Variants in EIF2AK4 observed in about 807,000 individuals in gnomAD.
EIF2AK4 encodes eIF-2-alpha kinase GCN2.
EIF2AK4 carries 139 observed loss-of-function variants against 211.1 expected under a neutral mutation model. The ratio of observed to expected loss-of-function variants is 0.66; its 90% CI spans 0.57 to 0.76. The LOEUF (loss-of-function observed/expected upper bound fraction) is 0.76. EIF2AK4 is among the 30% of genes least tolerant of loss of function. The pLI is 0.00. For synonymous variants in EIF2AK4, 710 were observed against 751.3 expected (o/e 0.94, Z 0.90); for missense variants, 1,664 against 2,043.8 (o/e 0.81, Z 3.58).
At chr15:39,996,659 C>T (rs1028943477) in intron 18 of EIF2AK4, among the ~76,000 whole-genome samples, 10 of 151,954 alleles carry the variant, frequency 6.6e-5, no homozygotes, top group South Asian at 2.1e-4. Context: ...TGCAGTGAGC[C>T]GAGACTGCAC....
intron 1 of EIF2AK4, 35 bp from the exon 2 acceptor site, chr15:39,939,470 T>C: frequency 6.5e-7 from 1 of 1,535,466 alleles, no homozygotes; most frequent in Non-Finnish European, 8.9e-7. Context: ...GCTCTACAGC[T>C]TTGAAAAAAA....
Position 39,967,828 on chromosome 15 carries a change from C to T in EIF2AK4, c.1502C>T (p.Pro501Leu), listed in dbSNP as rs771390626. 4 of 1,614,074 alleles carry T rather than the reference C, an allele frequency of 2.5e-6. No individual in the cohort carries two copies. In the African/African-American group the frequency reaches 4.0e-5, roughly 16 times the overall value. ...LSQGQECGEYPVTIPSDLPAD... is the reference protein window; with the variant it reads ...LSQGQECGEYLVTIPSDLPAD... ...CAAGGACAGGAATGTGGAGAGTACC[C>T]TGTGACCATCCCTAGTGACTTACCA... The change falls in exon 9 of 39, where the codon CCT (proline) becomes CTT (leucine). Residue 501 changes from proline to leucine, a missense_variant. Transcript: ENST00000263791.
In EIF2AK4 at chr15:39,990,366, C is replaced by G; in HGVS notation, c.2620C>G (p.Leu874Val). ...IGDFGLATDH[L>V]AFSADSKQDD... Reference sequence around the variant, plus strand: ...TGATTTTGGTTTGGCGACAGACCATCTAGCCTTTTCTGTAAGTATTTTAAA... The same window carrying G: ...TGATTTTGGTTTGGCGACAGACCATGTAGCCTTTTCTGTAAGTATTTTAAA... Residue 874 changes from leucine to valine, a missense_variant, in exon 16 of 39, where the codon CTA becomes GTA. This residue lies in a region of EIF2AK4 where 622 missense variants were observed against 796.8 expected (regional missense o/e 0.78). Transcript: ENST00000263791. 6.2e-7 allele frequency: 1 copy of G among 1,613,684 alleles called. No individual in the cohort carries two copies. Among genetic ancestry groups the G allele is most frequent in the South Asian group, 1.1e-5 (1 of 90,998 alleles).
At chr15:40,028,819 T>G (rs1342562180) in intron 33 of EIF2AK4, among the ~76,000 whole-genome samples, 1 of 152,206 alleles carries the variant, frequency 6.6e-6, no homozygotes, top group African/African-American at 2.4e-5. Flanking sequence ...ACCAAGACAC[T>G]TAAAAGGCTA....
At chr15:39,939,259 C>T (rs940731027) in intron 1 of EIF2AK4, among the ~76,000 whole-genome samples, 7 of 152,068 alleles carry the variant, frequency 4.6e-5, no homozygotes, top group Non-Finnish European at 7.4e-5. Context: ...AACATCTGAA[C>T]GAATGGAAGC....
chr15:40,031,137 G>C (rs1286677470), intron 35 of EIF2AK4, among the ~76,000 whole-genome samples: 2 of 152,186 alleles, frequency 1.3e-5, no homozygotes, highest in African/African-American at 4.8e-5. Flanking sequence ...CCACTCGGGA[G>C]GCTGAGACAG....
At chr15:39,995,595 A>G (rs2035008152) in intron 18 of EIF2AK4, among the ~76,000 whole-genome samples, 1 of 151,284 alleles carries the variant, frequency 6.6e-6, no homozygotes, top group Non-Finnish European at 1.5e-5. Context: ...TATTGTAGAT[A>G]CTTTTTTTGT....
At chr15:40,023,023 G>A (rs111362707) in intron 32 of EIF2AK4, among the ~76,000 whole-genome samples, 2,668 of 152,208 alleles carry the variant, frequency 0.018, 64 homozygotes, top group African/African-American at 0.056. Flanking sequence ...CACCGCGCCC[G>A]GCCGTTGTTG....
At chr15:39,972,457 GA>G (rs2034638111) in intron 9 of EIF2AK4, among the ~76,000 whole-genome samples, 1 of 151,890 alleles carries the variant, frequency 6.6e-6, no homozygotes, top group South Asian at 2.1e-4. Flanking sequence ...ATCCTGTAAT[GA>G]GCAGGCTTCA....
intron 34 of EIF2AK4, 32 bp from the exon 35 acceptor site, chr15:40,030,327 G>A (rs762219957): frequency 1.6e-5 from 25 of 1,603,636 alleles, no homozygotes; most frequent in Non-Finnish European, 1.6e-5. Flanking sequence ...GACCAGATAA[G>A]GCCATAAATT....
chr15:40,022,214 G>GTGTGTGTGTGTGT (rs771474808), intron 31 of EIF2AK4: 1 of 232,440 alleles, frequency 4.3e-6, no homozygotes, highest in Non-Finnish European at 8.2e-6. Flanking sequence ...GTGTGTGTGT[G>GTGTGTGTGTGTGT]TATGTTGTGT....
intron 13 of EIF2AK4, among the ~76,000 whole-genome samples, chr15:39,984,186 C>G (rs1208935766): frequency 1.3e-5 from 2 of 152,118 alleles, no homozygotes; most frequent in Non-Finnish European, 2.9e-5. Flanking sequence ...ATTTCTGAGG[C>G]CTCTGTTCTG....
chr15:39,943,351 C>CTTTTTTTT, intron 2 of EIF2AK4, 32 bp from the exon 3 acceptor site: 6 of 863,050 alleles, frequency 7.0e-6, no homozygotes, highest in South Asian at 5.8e-5. Context: ...TGGAGTAACT[C>CTTTTTTTT]TTTTTTTTTT....
chr15:39,985,865 G>A lies in EIF2AK4; in HGVS notation c.2380G>A (p.Ala794Thr), dbSNP rs1366932633. The A allele has an allele frequency of 3.7e-6, 6 of 1,613,994 alleles. No homozygotes were observed. Among genetic ancestry groups the A allele is most frequent in the Non-Finnish European group, 4.2e-6 (5 of 1,179,998 alleles). ...HESEPSVTTE[A>T]VHYLYIQMEY... ...AAGTGAGCCATCAGTGACGACTGAGGCTGTGCACTACCTATACATCCAGGT... is the reference window on the plus strand; with the variant it reads ...AAGTGAGCCATCAGTGACGACTGAGACTGTGCACTACCTATACATCCAGGT... Residue 794 changes from alanine (A) to threonine (T), a missense_variant, in exon 14 of 39, where the codon GCT becomes ACT. Ala to Thr is a moderately conservative substitution (Grantham distance 58). Transcript: ENST00000263791.
At chr15:40,021,402 C>T (rs1313066913) in intron 31 of EIF2AK4, 1 of 158,418 alleles carries the variant, frequency 6.3e-6, no homozygotes, top group East Asian at 1.8e-4. Flanking sequence ...GCGCCTCCTT[C>T]CTTGCTGACC....
intron 15 of EIF2AK4, among the ~76,000 whole-genome samples, chr15:39,990,022 G>C (rs2034920716): frequency 1.3e-5 from 2 of 152,160 alleles, no homozygotes; most frequent in Non-Finnish European, 2.9e-5. Context: ...CCCAGTGGAA[G>C]GGGCCTTGGA....
chr15:40,015,775 C>A (rs139665183), intron 27 of EIF2AK4, among the ~76,000 whole-genome samples: 3 of 152,298 alleles, frequency 2.0e-5, no homozygotes, highest in African/African-American at 7.2e-5. Flanking sequence ...TTGTACTTGC[C>A]TACAGTCTTA....
intron 6 of EIF2AK4, 61 bp downstream of exon 6, chr15:39,955,829 G>T: frequency 6.7e-7 from 1 of 1,485,570 alleles, no homozygotes. Context: ...TTACTACATT[G>T]AAGATGTAGT....
rs138628512 is a variant in EIF2AK4 at position 40,029,276 on chromosome 15, A to G, written c.4503-130A>G. 2.3e-4 allele frequency: 311 copies of G among 1,382,144 alleles called. 2 individuals carry two copies. The African/African-American group carries it at 3.8e-3, about 17-fold the overall frequency. The allele number at this position is 1,382,144 out of a possible 1,614,324, so 85.6% of individuals were successfully genotyped here. A position where few individuals can be genotyped will look rare whatever the true frequency, so the allele number is the denominator to read the frequency against. On this transcript the variant is annotated intron_variant, in intron 33 of 38. Coordinates refer to ENST00000263791, the MANE Select transcript of EIF2AK4 (RefSeq NM_001013703.4). ...GCAAATTTTTTGTTTTTGTTTTTCC[A>G]CCAATAACCAAGAAGATGTTTTTAT...
Sources: gnomAD v4.1 joint callset for allele counts (sites outside exome capture counted in the v4.1 genomes callset) on GRCh38, gnomAD v4.1.1 for gene constraint, gnomAD v4.1.1 regional missense constraint, MANE v1.5 for transcripts, NCBI Gene and HGNC (gene_info 2026-07-23, HGNC 2026-07-21) for gene names.